Variants in RYR3 observed in about 807,000 individuals in gnomAD.
RYR3 encodes the protein brain ryanodine receptor-calcium release channel.
In RYR3, 207 loss-of-function variants were observed where a neutral mutation model predicts 584.3. The observed-to-expected ratio is 0.35, with a 90% CI of 0.32 to 0.40. The LOEUF (loss-of-function observed/expected upper bound fraction) is 0.40. Among genes scored for constraint, RYR3 ranks in the 10% least tolerant of loss-of-function variants. The pLI, the probability that RYR3 is intolerant of heterozygous loss-of-function variation, is 1.00. For missense variants in RYR3, 5,616 were observed against 6,089.2 expected, an observed-to-expected ratio of 0.92 and a Z score of 2.59; for synonymous variants, 2,416 against 2,248.5, an observed-to-expected ratio of 1.07 and a Z score of -2.11.
rs767367219 is a variant in RYR3 at position 33,613,207 on chromosome 15, C to A, written c.2189C>A (p.Ser730Tyr). 1.9e-6 allele frequency: 3 copies of A among 1,613,676 alleles called. No homozygotes were observed. In the African/African-American group the frequency reaches 4.0e-5, roughly 22 times the overall value. The change falls in exon 19 of 104, where the codon TCC becomes TAC. Residue 730 changes from serine to tyrosine, a missense_variant. Physicochemically the swap from Ser to Tyr is moderately radical, Grantham distance 144 (BLOSUM62 -2). This residue lies in a region of RYR3 where 1,284 missense variants were observed against 1,344.6 expected (regional missense o/e 0.95). Transcript: ENST00000634891. ...WSGRIPRAVASINQHLLRSDD... is the reference protein window; with the variant it reads ...WSGRIPRAVAYINQHLLRSDD... ...GGCCGGATACCCAGAGCTGTGGCTT[C>A]CATCAACCAGCACCTCCTGAGATCG...
rs575116049 is a variant in RYR3, at chr15:33,450,763, T to C, written c.52-22656T>C. Among the ~76,000 whole-genome samples the C allele has an allele frequency of 3.0e-4, 46 of 152,242 alleles. 1 individual carries two copies. Among genetic ancestry groups the C allele is most frequent in the African/African-American group, 1.0e-3 (43 of 41,526 alleles). ...TTTAGTCATCCCTAGTTCATGTGCA[T>C]GTGCCGAGAAAAAGGGGAGCTTCTA... On this transcript the variant is annotated intron_variant, in intron 1 of 103. Transcript: ENST00000634891.
chr15:33,835,156 G>C, intron 87 of RYR3, 84 bp downstream of exon 87: 1 of 1,066,352 alleles, frequency 9.4e-7, no homozygotes, highest in Admixed American at 2.0e-5. Flanking sequence ...TTGTGATGTG[G>C]CTGCTTGATC....
chr15:33,671,360 C>A (rs537064470), intron 38 of RYR3, among the ~76,000 whole-genome samples: 147 of 152,268 alleles, frequency 9.7e-4, no homozygotes, highest in Non-Finnish European at 1.7e-3. Context: ...TATTCCTATC[C>A]ATCTTGGAAC....
At chr15:33,635,901 G>GGATC in intron 26 of RYR3, 82 bp downstream of exon 26, 1 of 1,231,864 alleles carries the variant, frequency 8.1e-7, no homozygotes, top group Non-Finnish European at 1.1e-6. Context: ...TCAAATTACT[G>GGATC]GATCTCTGGC....
At chr15:33,586,242 TG>T in intron 16 of RYR3, 126 bp downstream of exon 16, 1 of 668,120 alleles carries the variant, frequency 1.5e-6, no homozygotes, top group Non-Finnish European at 2.7e-6. Context: ...CTTGGGAAAC[TG>T]GAAAAAAGAC....
intron 12 of RYR3, among the ~76,000 whole-genome samples, chr15:33,570,774 G>C (rs1595646314): frequency 6.6e-6 from 1 of 152,062 alleles, no homozygotes; most frequent in East Asian, 1.9e-4. Context: ...TATTATATAA[G>C]TCTTGCACTT....
At chr15:33,641,148 A>T (rs1220590605) in intron 27 of RYR3, among the ~76,000 whole-genome samples, 1 of 152,200 alleles carries the variant, frequency 6.6e-6, no homozygotes, top group Non-Finnish European at 1.5e-5. Flanking sequence ...AAATCATTTG[A>T]AAAGCAATGT....
Position 33,725,982 on chromosome 15 carries a change from A to AGCC in RYR3, c.6913-404_6913-403insGCC, listed in dbSNP as rs1567033976. Among the ~76,000 whole-genome samples the AGCC allele has an allele frequency of 3.0e-3, 375 of 125,616 alleles. 10 individuals carry two copies. The highest frequency in any genetic ancestry group is 0.02 in the South Asian group (76 of 3,888). 82.4% of individuals were successfully genotyped at this position (125,616 alleles called of 152,430 possible). On this transcript the variant is annotated intron_variant, in intron 45 of 103. Transcript: ENST00000634891. ...AAGACTCCATCCCCCCCCCCAAAAA[A>AGCC]AAAAAAAAAAAAAAACAGAATTCTA...
intron 2 of RYR3, among the ~76,000 whole-genome samples, chr15:33,500,924 C>T (rs1342377731): frequency 6.6e-6 from 1 of 152,178 alleles, no homozygotes; most frequent in East Asian, 1.9e-4. Context: ...TGTTTTTCTC[C>T]AGACATTCCA....
intron 72 of RYR3, among the ~76,000 whole-genome samples, chr15:33,811,506 G>A (rs1316140669): frequency 3.2e-5 from 3 of 92,360 alleles, no homozygotes; most frequent in African/African-American, 8.6e-5. Context: ...GCAAGACTCC[G>A]TCTCAAAAAA....
At chr15:33,486,643 A>G (rs964988302) in intron 2 of RYR3, among the ~76,000 whole-genome samples, 1 of 152,210 alleles carries the variant, frequency 6.6e-6, no homozygotes, top group African/African-American at 2.4e-5. Flanking sequence ...GTCAAAGTAC[A>G]CAAACATCAA....
intron 18 of RYR3, among the ~76,000 whole-genome samples, chr15:33,608,400 T>C (rs1478100525): frequency 1.3e-5 from 2 of 152,176 alleles, no homozygotes; most frequent in African/African-American, 4.8e-5. Context: ...CTCACAGGGG[T>C]GGAGATTACT....
intron 65 of RYR3, among the ~76,000 whole-genome samples, chr15:33,782,093 C>T (rs1346770378): frequency 1.3e-5 from 2 of 152,184 alleles, no homozygotes; most frequent in Admixed American, 6.5e-5. Context: ...TCAACTGTGA[C>T]TTGAGAAATA....
At chr15:33,577,918 G>GAAA (rs1287936601) in intron 12 of RYR3, among the ~76,000 whole-genome samples, 6 of 150,786 alleles carry the variant, frequency 4.0e-5, no homozygotes, top group African/African-American at 9.8e-5. Flanking sequence ...AAATTTACAA[G>GAAA]AAAAGAAAAA....
rs1450793308 is a variant in RYR3, at chr15:33,434,819, TTTG to T, written c.52-38588_52-38586del. Among the ~76,000 whole-genome samples the T allele has an allele frequency of 3.9e-5, 6 of 152,222 alleles. No individual in the cohort carries two copies. In the East Asian group the frequency reaches 5.8e-4, roughly 15 times the overall value. ...AAAATATTTTTTCTCATTTACATTTTTTGTTGTTGTTGTTTTGAGACAGAGTCT... is the reference window on the plus strand; with the variant it reads ...AAAATATTTTTTCTCATTTACATTTTTTGTTGTTGTTTTGAGACAGAGTCT... On this transcript the variant is annotated intron_variant, in intron 1 of 103. Coordinates refer to ENST00000634891, the MANE Select transcript of RYR3 (RefSeq NM_001036.6).
Position 33,389,926 on chromosome 15 carries a change from C to T in RYR3, c.51+78830C>T, listed in dbSNP as rs577950050. The stretch of plus-strand genomic sequence containing the variant: ...GTGAATTACATGAGAAAATAGCATC[C>T]TATAAATATGCTACCTTGCCACTAA... On this transcript the variant is annotated intron_variant, in intron 1 of 103. Transcript: ENST00000634891. 6.7e-4 allele frequency among the ~76,000 whole-genome samples: 102 copies of T among 152,270 alleles called. No homozygotes were observed. The South Asian group carries it at 0.02, about 29-fold the overall frequency.
At chr15:33,594,184 A>G (rs916793505) in intron 16 of RYR3, among the ~76,000 whole-genome samples, 3 of 152,206 alleles carry the variant, frequency 2.0e-5, no homozygotes, top group African/African-American at 4.8e-5. Context: ...CAAGGGCTTT[A>G]TTGGCTCCAT....
At chr15:33,862,809 C>G (rs1338496168) in intron 102 of RYR3, among the ~76,000 whole-genome samples, 3 of 152,118 alleles carry the variant, frequency 2.0e-5, no homozygotes, top group Non-Finnish European at 4.4e-5. Flanking sequence ...CAGGGTTTCA[C>G]CGTGTTGGCC....
chr15:33,313,832 C>CATACA (rs1272600824), intron 1 of RYR3, among the ~76,000 whole-genome samples: 2 of 152,116 alleles, frequency 1.3e-5, no homozygotes, highest in Non-Finnish European at 2.9e-5. Flanking sequence ...AAAAAAAGAC[C>CATACA]ATACAATAGC....
Sources: gnomAD v4.1 joint callset for allele counts (sites outside exome capture counted in the v4.1 genomes callset) on GRCh38, gnomAD v4.1.1 for gene constraint, gnomAD v4.1.1 regional missense constraint, MANE v1.5 for transcripts, NCBI Gene and HGNC (gene_info 2026-07-23, HGNC 2026-07-21) for gene names.